MEIKIN: variants seen among roughly 807,000 people sequenced by gnomAD.
MEIKIN encodes the protein meiotic kinetochore factor, also known as meiosis-specific kinetochore protein.
intron 8 of MEIKIN, among the ~76,000 whole-genome samples, chr5:131,908,276 C>A (rs553713692): frequency 1.9e-4 from 29 of 152,058 alleles, no homozygotes; most frequent in Non-Finnish European, 3.2e-4. Flanking sequence ...GATGGTTCAA[C>A]CTATGCAAAT....
intron 3 of MEIKIN, among the ~76,000 whole-genome samples, chr5:131,943,644 A>C (rs933298518): frequency 6.6e-6 from 1 of 152,212 alleles, no homozygotes; most frequent in African/African-American, 2.4e-5. Flanking sequence ...ACAGGAGAAA[A>C]GGAACAGAAA....
intron 9 of MEIKIN, among the ~76,000 whole-genome samples, chr5:131,865,865 G>A (rs983196728): frequency 6.6e-6 from 1 of 152,346 alleles, no homozygotes; most frequent in East Asian, 1.9e-4. Context: ...AGGCTATGAT[G>A]AAGTTTTGCT....
intron 8 of MEIKIN, among the ~76,000 whole-genome samples, chr5:131,890,819 T>C (rs936216451): frequency 8.5e-5 from 13 of 152,206 alleles, no homozygotes; most frequent in African/African-American, 2.7e-4. Flanking sequence ...AGGGTGTCAA[T>C]TTTAGATCTT....
At chr5:131,936,903 C>T (rs914321319) in intron 4 of MEIKIN, among the ~76,000 whole-genome samples, 4 of 152,090 alleles carry the variant, frequency 2.6e-5, no homozygotes, top group East Asian at 1.9e-4. Flanking sequence ...TATAAATTTC[C>T]TCTCAATACT....
chr5:131,917,847 C>T (rs1318865298), intron 6 of MEIKIN, among the ~76,000 whole-genome samples: 1 of 152,170 alleles, frequency 6.6e-6, no homozygotes, highest in Non-Finnish European at 1.5e-5. Context: ...TTAAGCATTT[C>T]CTCAAAGGGA....
At chr5:131,826,332 G>A (rs1561723937) in intron 11 of MEIKIN, among the ~76,000 whole-genome samples, 1 of 151,968 alleles carries the variant, frequency 6.6e-6, no homozygotes, top group Non-Finnish European at 1.5e-5. Context: ...AACAAACATT[G>A]TCTAAATAAT....
intron 9 of MEIKIN, among the ~76,000 whole-genome samples, chr5:131,864,680 C>A (rs995224771): frequency 3.3e-5 from 5 of 152,176 alleles, no homozygotes; most frequent in African/African-American, 9.7e-5. Flanking sequence ...AGTTTGACTA[C>A]AATATGCCAT....
rs1158779978 is a variant in MEIKIN, at chr5:131,916,762, T to C, written c.638+124A>G. ...TAGCAATTACAACAGTCCTGACACATAGTGAGTCCTCAACAAATAATAAAT... is the reference window on the plus strand; with the variant it reads ...TAGCAATTACAACAGTCCTGACACACAGTGAGTCCTCAACAAATAATAAAT... On this transcript the variant is annotated intron_variant, in intron 7 of 12. Transcript: ENST00000442687. 7.8e-6 allele frequency: 3 copies of C among 383,466 alleles called. No individual in the cohort carries two copies. In the Admixed American group the frequency reaches 1.4e-4, roughly 17 times the overall value. 23.8% of individuals were successfully genotyped at this position (383,466 alleles called of 1,614,324 possible).
In MEIKIN at chr5:131,883,846, T is replaced by A. The variant is rs572926837; in HGVS notation, c.704-4798A>T. ...AGCCCTGTGGCATGTAGACAGAATCTGTGCATTTGGAAGGAGAGTAAAGGG... is the reference window on the plus strand; with the variant it reads ...AGCCCTGTGGCATGTAGACAGAATCAGTGCATTTGGAAGGAGAGTAAAGGG... On this transcript the variant is annotated intron_variant, in intron 8 of 12. Coordinates refer to ENST00000442687, the MANE Select transcript of MEIKIN (RefSeq NM_001303622.2). Among the ~76,000 whole-genome samples, 4 of 152,306 alleles carry A rather than the reference T, an allele frequency of 2.6e-5. No individual in the cohort carries two copies. In the South Asian group the frequency reaches 8.3e-4, roughly 32 times the overall value.
intron 7 of MEIKIN, among the ~76,000 whole-genome samples, chr5:131,913,984 T>C (rs1301822851): frequency 1.3e-5 from 2 of 152,212 alleles, no homozygotes; most frequent in African/African-American, 4.8e-5. Flanking sequence ...ATGAGGGCTC[T>C]GCCTTCATAA....
At chr5:131,843,699 A>G (rs143772341) in intron 11 of MEIKIN, among the ~76,000 whole-genome samples, 292 of 152,288 alleles carry the variant, frequency 1.9e-3, no homozygotes, top group African/African-American at 6.8e-3. Context: ...ATCTCTGTCC[A>G]TATCACTATC....
chr5:131,845,796 G>A (rs1459523912), intron 11 of MEIKIN, among the ~76,000 whole-genome samples: 1 of 152,002 alleles, frequency 6.6e-6, no homozygotes, highest in Non-Finnish European at 1.5e-5. Flanking sequence ...AGACCTGTGG[G>A]ACACCATCAA....
At chr5:131,828,721 T>C (rs1749657955) in intron 11 of MEIKIN, among the ~76,000 whole-genome samples, 1 of 152,186 alleles carries the variant, frequency 6.6e-6, no homozygotes, top group African/African-American at 2.4e-5. Context: ...AAAAGACTCA[T>C]ATTAAAGCAC....
intron 8 of MEIKIN, among the ~76,000 whole-genome samples, chr5:131,907,909 A>AGTACTTGTTACT (rs1375805843): frequency 6.6e-5 from 10 of 152,044 alleles, no homozygotes; most frequent in African/African-American, 2.4e-4. Context: ...CCTGAACAGG[A>AGTACTTGTTACT]CAATACAAGT....
At chr5:131,838,850 C>T (rs1345426888) in intron 11 of MEIKIN, among the ~76,000 whole-genome samples, 1 of 151,982 alleles carries the variant, frequency 6.6e-6, no homozygotes, top group Non-Finnish European at 1.5e-5. Context: ...GACTCAATCT[C>T]CTTCAGTTCA....
intron 8 of MEIKIN, among the ~76,000 whole-genome samples, chr5:131,905,259 G>T (rs1751224864): frequency 6.6e-6 from 1 of 152,124 alleles, no homozygotes. Context: ...TGAGGAAGAA[G>T]ATACAACATA....
chr5:131,890,076 T>C (rs1328135694), intron 8 of MEIKIN, among the ~76,000 whole-genome samples: 3 of 152,162 alleles, frequency 2.0e-5, no homozygotes, highest in African/African-American at 4.8e-5. Context: ...TTGATCATGG[T>C]GGATAAGCTT....
chr5:131,844,547 G>A (rs747343272), intron 11 of MEIKIN, among the ~76,000 whole-genome samples: 8 of 152,114 alleles, frequency 5.3e-5, no homozygotes, highest in African/African-American at 7.2e-5. Context: ...TTTATAGGGC[G>A]GAATACCAGA....
At chr5:131,900,648 G>T (rs1215036805) in intron 8 of MEIKIN, among the ~76,000 whole-genome samples, 1 of 152,180 alleles carries the variant, frequency 6.6e-6, no homozygotes, top group African/African-American at 2.4e-5. Flanking sequence ...GACTTGAACA[G>T]CCCAGGGTAG....
Sources: gnomAD v4.1 joint callset for allele counts (sites outside exome capture counted in the v4.1 genomes callset) on GRCh38, gnomAD v4.1.1 for gene constraint, MANE v1.5 for transcripts, NCBI Gene and HGNC (gene_info 2026-07-23, HGNC 2026-07-21) for gene names.